Variants in CSMD2 observed in about 807,000 individuals in gnomAD.
CSMD2 encodes CUB and Sushi multiple domains 2, also known as CUB and sushi domain-containing protein 2.
In CSMD2, 130 loss-of-function variants were observed where a neutral mutation model predicts 398.5. The observed-to-expected ratio is 0.33, with a 90% confidence interval of 0.28 to 0.38. The LOEUF is 0.38. CSMD2 is among the 10% of genes least tolerant of loss of function. The pLI is 1.00. For missense variants in CSMD2, 3,829 were observed against 4,764.9 expected, an observed-to-expected ratio of 0.80 and a Z score of 5.78; for synonymous variants, 1,828 against 1,908.5, an observed-to-expected ratio of 0.96 and a Z score of 1.10.
chr1:33,739,965 G>A (rs1191713073), intron 14 of CSMD2, among the ~76,000 whole-genome samples: 1 of 152,148 alleles, frequency 6.6e-6, no homozygotes, highest in African/African-American at 2.4e-5. Context: ...ATTTAATCAT[G>A]CTTTGCCTTT....
chr1:33,827,321 T>C (rs907723580), intron 6 of CSMD2, among the ~76,000 whole-genome samples: 13 of 152,238 alleles, frequency 8.5e-5, no homozygotes, highest in African/African-American at 2.9e-4. Context: ...TCTCTGACTC[T>C]GTATTTGGCC....
chr1:34,040,141 C>T (rs1406580490), intron 2 of CSMD2, among the ~76,000 whole-genome samples: 2 of 151,380 alleles, frequency 1.3e-5, no homozygotes, highest in Non-Finnish European at 2.9e-5. Flanking sequence ...CAGTGACCCA[C>T]GATCGTACCA....
At chr1:34,010,561 G>A (rs772661091) in intron 3 of CSMD2, among the ~76,000 whole-genome samples, 90 of 152,228 alleles carry the variant, frequency 5.9e-4, no homozygotes, top group Non-Finnish European at 1.1e-3. Flanking sequence ...AGCTGGACCC[G>A]AATCCAGGTT....
chr1:34,036,001 C>T lies in CSMD2; in HGVS notation c.405-3295G>A, dbSNP rs546207182. Among the ~76,000 whole-genome samples the T allele has an allele frequency of 1.2e-4, 19 of 152,204 alleles. 1 individual carries two copies. The South Asian group carries it at 3.1e-3, about 25-fold the overall frequency. ...ACCCATTGGAACAGCTAAAATAAAA[C>T]ACTATAGTCACGATACCCAATGCTG... On this transcript the variant is annotated intron_variant, in intron 2 of 70. Transcript: ENST00000373381.
rs1653551162 is a variant in CSMD2 at position 33,514,210 on chromosome 1, A to G, written c.*2414T>C. 1 of 152,458 alleles carries G rather than the reference A, an allele frequency of 6.6e-6. No individual in the cohort carries two copies. The highest frequency in any genetic ancestry group is 2.4e-5 in the African/African-American group (1 of 41,390). The allele number at this position is 152,458 out of a possible 1,614,324, so 9.4% of individuals were successfully genotyped here. ...GATGTTTTCTGAAAACCATATTTATACATTTTATTACATTTACAAAAAAGG... is the reference window on the plus strand; with the variant it reads ...GATGTTTTCTGAAAACCATATTTATGCATTTTATTACATTTACAAAAAAGG... On this transcript the variant is annotated 3_prime_UTR_variant, in exon 71 of 71. Transcript: ENST00000373381.
At chr1:33,726,523 C>A in intron 16 of CSMD2, 24 bp downstream of exon 16, 1 of 1,598,988 alleles carries the variant, frequency 6.3e-7, no homozygotes, top group Non-Finnish European at 8.5e-7. Flanking sequence ...TTGCCCTCTC[C>A]CCCAAGGCTG....
At chr1:33,927,182 G>C (rs1644156583) in intron 4 of CSMD2, among the ~76,000 whole-genome samples, 2 of 152,202 alleles carry the variant, frequency 1.3e-5, no homozygotes, top group Admixed American at 1.3e-4. Flanking sequence ...GGTTTCGTGT[G>C]CCTAAACATG....
rs748548806 is a variant in CSMD2, at chr1:33,559,263, T to G, written c.8554+37A>C. On this transcript the variant is annotated intron_variant, in intron 54 of 70. Transcript: ENST00000373381. The surrounding 1 kb of genome is among the most constrained non-coding windows in gnomAD (Gnocchi z 4.0). Reference sequence around the variant, plus strand: ...GCTACAGAACCACATATAGCAGAGATGGTGGGGACTGGATTGGGAGAGAAA... The same window carrying G: ...GCTACAGAACCACATATAGCAGAGAGGGTGGGGACTGGATTGGGAGAGAAA... The G allele has an allele frequency of 6.6e-7, 1 of 1,520,880 alleles. No homozygotes were observed. The highest frequency in any genetic ancestry group is 1.2e-5 in the South Asian group (1 of 83,156). 94.2% of individuals were successfully genotyped at this position (1,520,880 alleles called of 1,614,324 possible).
chr1:34,162,784 A>G (rs11576821), intron 1 of CSMD2, among the ~76,000 whole-genome samples: 20,635 of 152,096 alleles, frequency 0.14, 1,807 homozygotes, highest in East Asian at 0.42. Context: ...GCTTGAACCC[A>G]GGAGGCGGAG....
chr1:33,614,598 C>A lies in CSMD2; in HGVS notation c.6039G>T (p.Glu2013Asp). 6.2e-7 allele frequency: 1 copy of A among 1,609,286 alleles called. No homozygotes were observed. The highest frequency in any genetic ancestry group is 8.5e-7 in the Non-Finnish European group (1 of 1,175,748). ...LCIAQCGGTVEEMEGVILSPG... is the reference protein window; with the variant it reads ...LCIAQCGGTVDEMEGVILSPG... ...GGCTCAGGATCACCCCCTCCATCTC[C>A]TCCACTGTTCCCCCACACTGTGCTG... Residue 2013 changes from glutamate to aspartate, a missense_variant, in exon 40 of 71, where the codon GAG (glutamate) becomes GAT (aspartate). Physicochemically the swap from Glu to Asp is conservative, Grantham distance 45 (BLOSUM62 2). Coordinates refer to ENST00000373381, the MANE Select transcript of CSMD2 (RefSeq NM_001281956.2).
chr1:33,668,794 A>G (rs1192846936), intron 25 of CSMD2, among the ~76,000 whole-genome samples: 5 of 152,220 alleles, frequency 3.3e-5, no homozygotes, highest in Non-Finnish European at 7.3e-5. Flanking sequence ...AACACAAAAC[A>G]GGCCATTTCC....
chr1:34,127,906 T>C (rs1312461402), intron 1 of CSMD2, among the ~76,000 whole-genome samples: 2 of 152,064 alleles, frequency 1.3e-5, no homozygotes, highest in East Asian at 1.9e-4. Flanking sequence ...AGAGGAGTTG[T>C]TGAGAGTCTC....
intron 27 of CSMD2, among the ~76,000 whole-genome samples, chr1:33,657,338 G>A (rs1435079752): frequency 6.6e-6 from 1 of 152,200 alleles, no homozygotes; most frequent in East Asian, 1.9e-4. Context: ...GCTGGGTGTG[G>A]TGGCACAGGC....
intron 12 of CSMD2, among the ~76,000 whole-genome samples, chr1:33,787,192 A>G (rs2124837603): frequency 6.6e-6 from 1 of 152,328 alleles, no homozygotes; most frequent in East Asian, 1.9e-4. Context: ...TTCTACCCAT[A>G]GTGGGGGCAT....
chr1:34,109,957 G>A (rs976400328), intron 1 of CSMD2, among the ~76,000 whole-genome samples: 1 of 149,076 alleles, frequency 6.7e-6, no homozygotes, highest in African/African-American at 2.5e-5. Context: ...AGGAGAATCG[G>A]GTGAACCCAG....
At chr1:33,598,107 T>G (rs1211136501) in intron 44 of CSMD2, among the ~76,000 whole-genome samples, 1 of 125,382 alleles carries the variant, frequency 8.0e-6, no homozygotes. Context: ...AGGATCATGG[T>G]TAACTCTCAG....
In CSMD2 at chr1:33,658,065, G is replaced by A. The variant is rs34803079; in HGVS notation, c.4328C>T (p.Ala1443Val). The change falls in exon 27 of 71, where the codon GCC becomes GTC. Residue 1443 changes from alanine (A) to valine (V), a missense_variant. By Grantham distance (64) the Ala-to-Val change is moderately conservative. Coordinates refer to ENST00000373381, the MANE Select transcript of CSMD2 (RefSeq NM_001281956.2). ...NGSRSGDSWE[A>V]GDSTVFQCDP... Reference sequence around the variant, plus strand: ...ACACTGGAACACTGTGGAGTCGCCGGCTTCCCAACTGTCACCACTCCGACT... The same window carrying A: ...ACACTGGAACACTGTGGAGTCGCCGACTTCCCAACTGTCACCACTCCGACT... The A allele has an allele frequency of 6.2e-7, 1 of 1,614,162 alleles. No homozygotes were observed. The highest frequency in any genetic ancestry group is 8.5e-7 in the Non-Finnish European group (1 of 1,180,012).
intron 41 of CSMD2, among the ~76,000 whole-genome samples, chr1:33,606,334 T>C (rs534070817): frequency 2.0e-5 from 3 of 152,224 alleles, no homozygotes; most frequent in Non-Finnish European, 4.4e-5. Flanking sequence ...TAGATGCTTC[T>C]TAGAAGTACA....
chr1:33,806,196 C>CT (rs2124943472), intron 10 of CSMD2, among the ~76,000 whole-genome samples: 1 of 152,340 alleles, frequency 6.6e-6, no homozygotes, highest in African/African-American at 2.4e-5. Context: ...ATCTCCTTCT[C>CT]ACCTGTCACT....
Sources: gnomAD v4.1 joint callset for allele counts (sites outside exome capture counted in the v4.1 genomes callset) on GRCh38, gnomAD v4.1.1 for gene constraint, Gnocchi (gnomAD v3.1) non-coding constraint, MANE v1.5 for transcripts, NCBI Gene and HGNC (gene_info 2026-07-23, HGNC 2026-07-21) for gene names.